The following CLSTN2 variants were observed in gnomAD, a reference collection of about 807,000 sequenced individuals.
The protein encoded by CLSTN2 is calsyntenin-2.
CLSTN2 carries 48 observed loss-of-function variants against 101.2 expected under a neutral mutation model. The ratio of observed to expected loss-of-function variants is 0.47; its 90% confidence interval spans 0.38 to 0.60. The LOEUF is 0.60. CLSTN2 is among the 20% of genes least tolerant of loss of function. The pLI is 0.00. For missense variants in CLSTN2, 1,160 were observed against 1,238.2 expected, an observed-to-expected ratio of 0.94 and a Z score of 0.95; for synonymous variants, 481 against 463.6, an observed-to-expected ratio of 1.04 and a Z score of -0.48.
intron 2 of CLSTN2, among the ~76,000 whole-genome samples, chr3:140,183,409 A>G (rs892060095): frequency 5.9e-5 from 9 of 152,196 alleles, no homozygotes; most frequent in Admixed American, 5.9e-4. Flanking sequence ...GTGGAGTTTC[A>G]GGTTAGAACA....
intron 2 of CLSTN2, among the ~76,000 whole-genome samples, chr3:140,257,726 G>A (rs1406772958): frequency 2.0e-5 from 3 of 152,096 alleles, no homozygotes; most frequent in African/African-American, 7.2e-5. Flanking sequence ...ACACATTGAT[G>A]TGTCATAATT....
intron 2 of CLSTN2, among the ~76,000 whole-genome samples, chr3:140,214,195 T>A (rs1384258170): frequency 6.6e-6 from 1 of 151,652 alleles, no homozygotes; most frequent in Non-Finnish European, 1.5e-5. Context: ...ATCCCAGCAC[T>A]TTGGGTGGCT....
rs1225588569 is a variant in CLSTN2 at position 140,388,241 on chromosome 3, AACTG to A, written c.233-15383_233-15380del. 8.5e-5 allele frequency among the ~76,000 whole-genome samples: 13 copies of A among 152,346 alleles called. No homozygotes were observed. In the East Asian group the frequency reaches 2.5e-3, roughly 29 times the overall value. On this transcript the variant is annotated intron_variant, in intron 2 of 16. Transcript: ENST00000458420. ...ATAAATATCTGCTGGGTTTTTAATTAACTGACTGTAAATAATGAAAATGAGCAAG... is the reference window on the plus strand; with the variant it reads ...ATAAATATCTGCTGGGTTTTTAATTAACTGTAAATAATGAAAATGAGCAAG...
At chr3:140,490,618 A>G (rs911438101) in intron 8 of CLSTN2, among the ~76,000 whole-genome samples, 2 of 149,982 alleles carry the variant, frequency 1.3e-5, no homozygotes, top group African/African-American at 4.9e-5. Context: ...AAAAAAAAAC[A>G]TGGCACATCC....
chr3:140,422,969 A>C (rs1477457890), intron 5 of CLSTN2, among the ~76,000 whole-genome samples: 2 of 152,354 alleles, frequency 1.3e-5, no homozygotes, highest in East Asian at 1.9e-4. Context: ...GATTAGCTCC[A>C]ATGAACGTGT....
intron 1 of CLSTN2, among the ~76,000 whole-genome samples, chr3:139,960,627 T>C (rs9870376): frequency 0.067 from 10,146 of 152,292 alleles, 402 homozygotes; most frequent in Non-Finnish European, 0.089. Context: ...TCCATCATTT[T>C]AGCTGTTTTA....
chr3:140,040,833 G>C (rs1292795114), intron 1 of CLSTN2, among the ~76,000 whole-genome samples: 1 of 152,046 alleles, frequency 6.6e-6, no homozygotes, highest in Non-Finnish European at 1.5e-5. Context: ...AAGGGGAGAG[G>C]GTATTTTTCA....
chr3:140,560,555 G>T (rs1172494848), intron 12 of CLSTN2, among the ~76,000 whole-genome samples: 1 of 139,536 alleles, frequency 7.2e-6, no homozygotes, highest in East Asian at 2.1e-4. Context: ...GCCCTTGGTG[G>T]TGATTTCCTG....
At chr3:140,559,599 A>G (rs79961187) in intron 12 of CLSTN2, among the ~76,000 whole-genome samples, 17,390 of 150,132 alleles carry the variant, frequency 0.12, 1,207 homozygotes, top group South Asian at 0.16. Context: ...TGGGAAAGGA[A>G]CAAGGGAGGG....
At chr3:140,054,960 G>A (rs1002500615) in intron 1 of CLSTN2, among the ~76,000 whole-genome samples, 1 of 152,166 alleles carries the variant, frequency 6.6e-6, no homozygotes, top group Admixed American at 6.5e-5. Context: ...TCAGAAACCT[G>A]ACTATTTATG....
intron 1 of CLSTN2, among the ~76,000 whole-genome samples, chr3:139,973,729 C>G (rs1249089052): frequency 6.6e-6 from 1 of 152,122 alleles, no homozygotes; most frequent in Non-Finnish European, 1.5e-5. Context: ...GCCTTGACTA[C>G]CTGAGTTCAA....
intron 2 of CLSTN2, among the ~76,000 whole-genome samples, chr3:140,317,515 C>A (rs1045439378): frequency 6.6e-6 from 1 of 152,106 alleles, no homozygotes; most frequent in South Asian, 2.1e-4. Context: ...GGCCACAGGA[C>A]CCCAATTCCA....
chr3:140,044,810 C>T (rs1281250517), intron 1 of CLSTN2, among the ~76,000 whole-genome samples: 6 of 152,144 alleles, frequency 3.9e-5, no homozygotes, highest in Non-Finnish European at 8.8e-5. Flanking sequence ...GTCTTTGGTT[C>T]TGTTTATATG....
intron 1 of CLSTN2, among the ~76,000 whole-genome samples, chr3:140,051,147 A>G (rs1201894355): frequency 6.6e-6 from 1 of 152,164 alleles, no homozygotes; most frequent in Non-Finnish European, 1.5e-5. Context: ...AGGGCTTCCA[A>G]TGCCCATTCA....
At chr3:140,292,141 G>C (rs757867333) in intron 2 of CLSTN2, among the ~76,000 whole-genome samples, 1 of 152,022 alleles carries the variant, frequency 6.6e-6, no homozygotes, top group Non-Finnish European at 1.5e-5. Context: ...CCTATCTAAG[G>C]CTTGCCTCCC....
intron 1 of CLSTN2, among the ~76,000 whole-genome samples, chr3:140,149,394 C>A (rs1257604954): frequency 6.6e-6 from 1 of 152,206 alleles, no homozygotes; most frequent in Non-Finnish European, 1.5e-5. Context: ...AAGCCTTCCT[C>A]TTCACCCATG....
chr3:140,382,326 A>G lies in CLSTN2; in HGVS notation c.233-21303A>G, dbSNP rs149230021. Among the ~76,000 whole-genome samples, 297 of 152,288 alleles carry G rather than the reference A, an allele frequency of 2.0e-3. 1 individual carries two copies. Among genetic ancestry groups the G allele is most frequent in the African/African-American group, 6.9e-3 (288 of 41,568 alleles). ...CACCCACCCTTAGCTCAGATCCTTCACAGAGTGGGTGCTGGACTGTTATGT... is the reference window on the plus strand; with the variant it reads ...CACCCACCCTTAGCTCAGATCCTTCGCAGAGTGGGTGCTGGACTGTTATGT... On this transcript the variant is annotated intron_variant, in intron 2 of 16. Transcript: ENST00000458420.
intron 8 of CLSTN2, among the ~76,000 whole-genome samples, chr3:140,509,940 G>A (rs942760924): frequency 3.3e-5 from 5 of 152,156 alleles, no homozygotes; most frequent in African/African-American, 9.7e-5. Flanking sequence ...TAAGCCCATC[G>A]TAAGTTGAAA....
intron 1 of CLSTN2, among the ~76,000 whole-genome samples, chr3:139,954,309 A>G (rs528033642): frequency 6.6e-6 from 1 of 152,302 alleles, no homozygotes; most frequent in South Asian, 2.1e-4. Flanking sequence ...CATTTGGAGA[A>G]TACTGTGTAG....
Sources: allele counts gnomAD v4.1 joint callset (sites outside exome capture counted in the v4.1 genomes callset), GRCh38; gene constraint gnomAD v4.1.1; transcripts MANE v1.5; gene names NCBI Gene and HGNC (gene_info 2026-07-23, HGNC 2026-07-21).